Variants in ECM2 observed in about 807,000 individuals in gnomAD.
ECM2 encodes extracellular matrix protein 2, female organ and adipocyte specific.
A neutral mutation model predicts 67.5 loss-of-function variants in ECM2; 57 were observed. The observed-to-expected ratio is 0.84, with a 90% CI of 0.68 to 1.05. The LOEUF is 1.05. Among genes scored for constraint, ECM2 ranks in the 50% least tolerant of loss-of-function variants. The pLI is 0.00. For missense variants in ECM2, 741 were observed against 822.8 expected, an observed-to-expected ratio of 0.90 and a Z score of 1.22; for synonymous variants, 258 against 294.5, an observed-to-expected ratio of 0.88 and a Z score of 1.27.
chr9:92,519,056 AC>A (rs1847903408), intron 2 of ECM2, among the ~76,000 whole-genome samples: 1 of 152,090 alleles, frequency 6.6e-6, no homozygotes, highest in Admixed American at 6.6e-5. Context: ...ATTCCAGATA[AC>A]TTTCCTCCAT....
intron 6 of ECM2, among the ~76,000 whole-genome samples, chr9:92,507,923 A>C (rs995682524): frequency 2.6e-5 from 4 of 151,508 alleles, no homozygotes; most frequent in African/African-American, 9.7e-5. Flanking sequence ...CTTGCCTTTC[A>C]CCTTCACCGT....
downstream of ECM2, chr9:92,494,159 G>T (rs751776354): frequency 1.3e-6 from 2 of 1,596,644 alleles, no homozygotes; most frequent in South Asian, 2.2e-5. Flanking sequence ...GCTGAATAAA[G>T]TCAGAGTAAG....
chr9:92,506,163 A>G (rs1232086378), intron 6 of ECM2, among the ~76,000 whole-genome samples: 1 of 152,222 alleles, frequency 6.6e-6, no homozygotes, highest in African/African-American at 2.4e-5. Flanking sequence ...GTTTAATGCA[A>G]TGAATGATTT....
chr9:92,516,374 G>A (rs567058651), intron 3 of ECM2, among the ~76,000 whole-genome samples: 149 of 152,062 alleles, frequency 9.8e-4, no homozygotes, highest in Non-Finnish European at 1.9e-3. Context: ...GAGTGCATAC[G>A]TTTTCTTCCA....
Position 92,514,712 on chromosome 9 carries a change from T to TG in ECM2, c.972dup (p.Arg325GlnfsTer37). Reference sequence around the variant, plus strand: ...ATGGCGTTGATGCAGCTGATGGTCCTGTAGGACAGAGAGCACCCGCTTGGC... The same window carrying TG: ...ATGGCGTTGATGCAGCTGATGGTCCTGGTAGGACAGAGAGCACCCGCTTGGC... On this transcript the variant is annotated frameshift_variant, in exon 4 of 10. Transcript: ENST00000344604. LOFTEE classifies it high-confidence loss of function. The TG allele has an allele frequency of 6.2e-7, 1 of 1,614,032 alleles. No homozygotes were observed. Among genetic ancestry groups the TG allele is most frequent in the Non-Finnish European group, 8.5e-7 (1 of 1,179,916 alleles).
chr9:92,545,301 G>A, the ECM2 span, among the ~76,000 whole-genome samples: 12 of 152,194 alleles, frequency 7.9e-5, no homozygotes, highest in Admixed American at 4.6e-4. Context: ...CCAGGGCTGC[G>A]TGTGGCACTT....
In ECM2 at chr9:92,505,543, C is replaced by T. The variant is rs1293362417; in HGVS notation, c.1454G>A (p.Gly485Asp). ...KFRIIPQGLP[G>D]SIEELYLENN... ...AAAATATATTGTTACCTCAATAGAA[C>T]CAGGAAGACCCTGCGGTATAATTCT... is the stretch of plus-strand genomic sequence containing the variant. Residue 485 changes from glycine to aspartate, a missense_variant, in exon 7 of 10, where the codon GGT becomes GAT. Coordinates refer to ENST00000344604, the MANE Select transcript of ECM2 (RefSeq NM_001393.4). 1.3e-6 allele frequency: 2 copies of T among 1,596,954 alleles called. No homozygotes were observed. Among genetic ancestry groups the T allele is most frequent in the Non-Finnish European group, 8.5e-7 (1 of 1,175,688 alleles).
chr9:92,511,665 T>C (rs570551019), intron 5 of ECM2, among the ~76,000 whole-genome samples: 1 of 152,078 alleles, frequency 6.6e-6, no homozygotes, highest in East Asian at 1.9e-4. Context: ...TTAACAGAGG[T>C]TCCAGATAGG....
intron 2 of ECM2, among the ~76,000 whole-genome samples, chr9:92,518,600 G>A (rs1847874447): frequency 6.6e-6 from 1 of 152,076 alleles, no homozygotes; most frequent in Non-Finnish European, 1.5e-5. Context: ...TCACCCTTTT[G>A]AAGTGTATAA....
chr9:92,519,285 A>G (rs1041970907), intron 2 of ECM2, among the ~76,000 whole-genome samples: 6 of 152,218 alleles, frequency 3.9e-5, no homozygotes, highest in South Asian at 2.1e-4. Context: ...CAAAATTTCC[A>G]TGGCCTTTTT....
chr9:92,552,004 G>A, the ECM2 span, among the ~76,000 whole-genome samples: 221 of 138,708 alleles, frequency 1.6e-3, no homozygotes, highest in Non-Finnish European at 2.3e-3. Context: ...ATATATATGT[G>A]TATATATATG....
the ECM2 span, among the ~76,000 whole-genome samples, chr9:92,547,303 A>G: frequency 6.6e-6 from 1 of 152,264 alleles, no homozygotes; most frequent in Non-Finnish European, 1.5e-5. Flanking sequence ...TACTAGCTGT[A>G]TCCCCAAGAG....
chr9:92,555,003 TTTGTTGTTGTTGTTG>T, the ECM2 span, among the ~76,000 whole-genome samples: 2 of 149,708 alleles, frequency 1.3e-5, no homozygotes, highest in African/African-American at 2.5e-5. Flanking sequence ...GTCTGTATTG[TTTGTTGTTGTTGTTG>T]TTGTTGTTGT....
At chr9:92,530,656 T>G (rs1282581502) in intron 1 of ECM2, among the ~76,000 whole-genome samples, 1 of 152,210 alleles carries the variant, frequency 6.6e-6, no homozygotes, top group African/African-American at 2.4e-5. Flanking sequence ...GGAGTGCTTT[T>G]GCTATAAGAT....
chr9:92,549,842 C>T, the ECM2 span, among the ~76,000 whole-genome samples: 10 of 152,116 alleles, frequency 6.6e-5, no homozygotes, highest in African/African-American at 2.2e-4. Context: ...TCTCTTACTC[C>T]CTGAGCAAAG....
intron 1 of ECM2, among the ~76,000 whole-genome samples, chr9:92,526,019 A>G (rs1489318603): frequency 6.6e-6 from 1 of 152,072 alleles, no homozygotes; most frequent in African/African-American, 2.4e-5. Context: ...GTTTTAGAGT[A>G]CATGCCTTCT....
At chr9:92,546,166 C>T in the ECM2 span, among the ~76,000 whole-genome samples, 2 of 152,142 alleles carry the variant, frequency 1.3e-5, no homozygotes, top group South Asian at 2.1e-4. Context: ...TCTAGCTCAG[C>T]GATTGTAAAC....
chr9:92,506,266 A>G (rs963283797), intron 6 of ECM2, among the ~76,000 whole-genome samples: 3 of 152,250 alleles, frequency 2.0e-5, no homozygotes, highest in Non-Finnish European at 4.4e-5. Context: ...GTGAATTCCC[A>G]TCATAGTTAC....
At chr9:92,498,237 G>T (rs1846469898) in intron 9 of ECM2, among the ~76,000 whole-genome samples, 1 of 152,052 alleles carries the variant, frequency 6.6e-6, no homozygotes, top group Non-Finnish European at 1.5e-5. Flanking sequence ...ATAAATACTG[G>T]AAGGATAAAC....
Sources: gnomAD v4.1 joint callset for allele counts (sites outside exome capture counted in the v4.1 genomes callset) on GRCh38, gnomAD v4.1.1 for gene constraint, MANE v1.5 for transcripts, NCBI Gene and HGNC (gene_info 2026-07-23, HGNC 2026-07-21) for gene names.